SMYD3: variants seen among roughly 807,000 people sequenced by gnomAD.
The protein encoded by SMYD3 is SET and MYND domain containing 3.
In SMYD3, 36 loss-of-function variants were observed where a neutral mutation model predicts 57.7. That is an observed-to-expected ratio of 0.62 (90% confidence interval 0.48 to 0.82). The LOEUF is 0.82. Among genes scored for constraint, SMYD3 ranks in the 40% least tolerant of loss-of-function variants. The probability of loss-of-function intolerance (pLI) is 0.00; values close to 1 mark genes in which losing one functional copy is unlikely to be tolerated. For missense variants in SMYD3, 515 were observed against 538.8 expected, an observed-to-expected ratio of 0.96 and a Z score of 0.44; for synonymous variants, 211 against 195.0, an observed-to-expected ratio of 1.08 and a Z score of -0.68.
intron 5 of SMYD3, among the ~76,000 whole-genome samples, chr1:246,195,223 T>C (rs1435340834): frequency 2.0e-5 from 3 of 152,136 alleles, no homozygotes; most frequent in Non-Finnish European, 4.4e-5. Context: ...GCCCAGGAAA[T>C]ATAAAAAACT....
intron 10 of SMYD3, among the ~76,000 whole-genome samples, chr1:245,799,205 C>A (rs775935708): frequency 6.6e-6 from 1 of 152,178 alleles, no homozygotes; most frequent in Non-Finnish European, 1.5e-5. Context: ...CCCTGGTCCT[C>A]CTACACAGCT....
intron 10 of SMYD3, among the ~76,000 whole-genome samples, chr1:245,852,775 A>C (rs563099447): frequency 6.6e-6 from 1 of 152,290 alleles, no homozygotes; most frequent in Non-Finnish European, 1.5e-5. Context: ...TTATATTTAA[A>C]AGTTTTTAAA....
intron 5 of SMYD3, among the ~76,000 whole-genome samples, chr1:246,214,256 A>G (rs548468075): frequency 6.6e-6 from 1 of 152,156 alleles, no homozygotes; most frequent in Non-Finnish European, 1.5e-5. Flanking sequence ...TGGTAGGGAG[A>G]TAATACATTT....
chr1:245,928,006 G>A lies in SMYD3; in HGVS notation c.627C>T (p.Asp209=). ...PSISLLNHSC[D]PNCSIVFNGP... ...CATTGAACACAATCGAACAGTTGGG[G>A]TCACAGCTGTGATTGAGCAAAGAGA... Residue 209 remains aspartate (D), a synonymous_variant, in exon 7 of 12, where the codon GAC becomes GAT. Coordinates refer to ENST00000490107, the MANE Select transcript of SMYD3 (RefSeq NM_001167740.2). 1 of 1,612,484 alleles carries A rather than the reference G, an allele frequency of 6.2e-7. No homozygotes were observed. The highest frequency in any genetic ancestry group is 8.5e-7 in the Non-Finnish European group (1 of 1,178,982).
intron 5 of SMYD3, among the ~76,000 whole-genome samples, chr1:246,013,920 T>C (rs1356965480): frequency 1.3e-5 from 2 of 152,234 alleles, no homozygotes; most frequent in African/African-American, 2.4e-5. Flanking sequence ...CAGTATCTTA[T>C]TGTTTTATAA....
intron 11 of SMYD3, among the ~76,000 whole-genome samples, chr1:245,759,621 T>C (rs2045758419): frequency 6.6e-6 from 1 of 152,208 alleles, no homozygotes; most frequent in Non-Finnish European, 1.5e-5. Flanking sequence ...GGGCAGCCGA[T>C]GCAGGAATAC....
chr1:246,486,090 T>C (rs1438785600), intron 1 of SMYD3, among the ~76,000 whole-genome samples: 1 of 152,234 alleles, frequency 6.6e-6, no homozygotes, highest in African/African-American at 2.4e-5. Context: ...TATCCCAGGC[T>C]TTACGCTGGA....
chr1:246,243,352 T>C (rs2063647027), intron 5 of SMYD3, among the ~76,000 whole-genome samples: 1 of 151,464 alleles, frequency 6.6e-6, no homozygotes, highest in Non-Finnish European at 1.5e-5. Flanking sequence ...TCTAAAATTT[T>C]ACTAGGAATA....
rs543684610 is a variant in SMYD3 at position 245,817,848 on chromosome 1, A to C, written c.1076+40648T>G. On this transcript the variant is annotated intron_variant, in intron 10 of 11. Coordinates refer to ENST00000490107, the MANE Select transcript of SMYD3 (RefSeq NM_001167740.2). ...GAAGTGAGAAGGGAAGTTTAGAGAAAAAAGAATAAAAAGAAATGAGCAACG... is the reference window on the plus strand; with the variant it reads ...GAAGTGAGAAGGGAAGTTTAGAGAACAAAGAATAAAAAGAAATGAGCAACG... Among the ~76,000 whole-genome samples, 697 of 152,214 alleles carry C rather than the reference A, an allele frequency of 4.6e-3. 3 individuals are homozygous for C. Among genetic ancestry groups the C allele is most frequent in the Non-Finnish European group, 8.3e-3 (563 of 67,960 alleles).
chr1:245,900,606 C>A (rs2054119992), intron 8 of SMYD3, among the ~76,000 whole-genome samples: 1 of 152,194 alleles, frequency 6.6e-6, no homozygotes, highest in Admixed American at 6.5e-5. Flanking sequence ...ACATGCACCC[C>A]ACCTACTAAA....
chr1:246,423,654 A>C (rs2067177084), intron 1 of SMYD3, among the ~76,000 whole-genome samples: 1 of 152,132 alleles, frequency 6.6e-6, no homozygotes, highest in South Asian at 2.1e-4. Context: ...TGGGCAATAT[A>C]TTTTATCTCA....
intron 5 of SMYD3, among the ~76,000 whole-genome samples, chr1:246,187,847 T>G (rs1280633426): frequency 6.6e-6 from 1 of 152,202 alleles, no homozygotes; most frequent in Admixed American, 6.5e-5. Context: ...TTTGAAGCAT[T>G]AGTTTCATGT....
At chr1:246,341,604 ATTCT>A (rs759994960) in intron 2 of SMYD3, among the ~76,000 whole-genome samples, 1 of 152,356 alleles carries the variant, frequency 6.6e-6, no homozygotes. Context: ...GACTCTCACA[ATTCT>A]TTCTTTGACC....
At chr1:245,988,082 G>A (rs1161216155) in intron 5 of SMYD3, among the ~76,000 whole-genome samples, 2 of 148,844 alleles carry the variant, frequency 1.3e-5, no homozygotes, top group Non-Finnish European at 3.0e-5. Flanking sequence ...TTGGCTTTAC[G>A]TTATTAAACA....
At chr1:245,938,530 G>T (rs1377091576) in intron 5 of SMYD3, among the ~76,000 whole-genome samples, 2 of 152,172 alleles carry the variant, frequency 1.3e-5, no homozygotes, top group African/African-American at 4.8e-5. Context: ...CTCCAGGTAT[G>T]CTCCTTTATT....
At chr1:246,063,579 C>T (rs1189956009) in intron 5 of SMYD3, among the ~76,000 whole-genome samples, 5 of 149,734 alleles carry the variant, frequency 3.3e-5, no homozygotes, top group African/African-American at 1.2e-4. Flanking sequence ...CCCTCCCTCA[C>T]TCCCATTCCC....
At chr1:246,138,934 G>A (rs2061708216) in intron 5 of SMYD3, among the ~76,000 whole-genome samples, 1 of 152,036 alleles carries the variant, frequency 6.6e-6, no homozygotes, top group African/African-American at 2.4e-5. Flanking sequence ...GGGACCCAGG[G>A]GACAGAGCCT....
intron 5 of SMYD3, among the ~76,000 whole-genome samples, chr1:246,167,879 G>A (rs1006024217): frequency 2.0e-5 from 3 of 152,080 alleles, no homozygotes; most frequent in Non-Finnish European, 4.4e-5. Context: ...GTGCTTGTCG[G>A]CCATTTGTAT....
chr1:245,974,004 C>T (rs1004402078), intron 5 of SMYD3, among the ~76,000 whole-genome samples: 4 of 152,156 alleles, frequency 2.6e-5, no homozygotes, highest in Admixed American at 1.3e-4. Context: ...AATACCTATG[C>T]TTATAGGTCT....
Sources: gnomAD v4.1 joint callset for allele counts (sites outside exome capture counted in the v4.1 genomes callset) on GRCh38, gnomAD v4.1.1 for gene constraint, MANE v1.5 for transcripts, NCBI Gene and HGNC (gene_info 2026-07-23, HGNC 2026-07-21) for gene names.